Variants in BICDL1 observed in about 807,000 individuals in gnomAD.
The protein encoded by BICDL1 is BICD family-like cargo adapter 1.
BICDL1 carries 20 observed loss-of-function variants against 76.8 expected under a neutral mutation model. The observed-to-expected ratio is 0.26, with a 90% CI of 0.18 to 0.38. The LOEUF is 0.38. Ranked by LOEUF, BICDL1 falls within the 10% of genes least tolerant of loss-of-function variation. The pLI, the probability that BICDL1 is intolerant of heterozygous loss-of-function variation, is 1.00. For synonymous variants in BICDL1, 383 were observed against 337.1 expected, an observed-to-expected ratio of 1.14 and a Z score of -1.49; for missense variants, 700 against 798.6, an observed-to-expected ratio of 0.88 and a Z score of 1.49.
intron 7 of BICDL1, among the ~76,000 whole-genome samples, chr12:120,077,859 C>A (rs747853021): frequency 6.6e-6 from 1 of 151,802 alleles, no homozygotes; most frequent in Non-Finnish European, 1.5e-5. Context: ...GTGGGACGCC[C>A]CTTACAAGTT....
At position 120,071,724 on chromosome 12, in the gene BICDL1, G is replaced by A. The variant is rs1394693150; in HGVS notation, c.1012G>A (p.Ala338Thr). The A allele has an allele frequency of 6.2e-7, 1 of 1,612,270 alleles. No individual in the cohort carries two copies. Among genetic ancestry groups the A allele is most frequent in the Non-Finnish European group, 8.5e-7 (1 of 1,179,880 alleles). ...LTEERSLQSSAATSTSLLSEI... is the reference protein window; with the variant it reads ...LTEERSLQSSTATSTSLLSEI... ...TGAGGAGAGGAGTCTGCAGAGCTCT[G>A]CCGCCACCAGCACATCCCTCCTGTC... Residue 338 changes from alanine to threonine, a missense_variant, in exon 5 of 10, where the codon GCC becomes ACC. Physicochemically the swap from Ala to Thr is moderately conservative, Grantham distance 58 (BLOSUM62 0). Coordinates refer to ENST00000548673, the MANE Select transcript of BICDL1 (RefSeq NM_001367886.1). This position sits in a 1 kb window ranked among gnomAD's most constrained non-coding sequence, Gnocchi z 4.8.
intron 2 of BICDL1, among the ~76,000 whole-genome samples, chr12:120,053,804 G>C (rs1332578417): frequency 6.6e-6 from 1 of 152,180 alleles, no homozygotes; most frequent in Non-Finnish European, 1.5e-5. Flanking sequence ...TCCTCTCAGA[G>C]GACAGAGCTA....
intron 1 of BICDL1, among the ~76,000 whole-genome samples, chr12:119,991,011 A>T (rs1484905228): frequency 6.6e-6 from 1 of 152,220 alleles, no homozygotes; most frequent in African/African-American, 2.4e-5. Flanking sequence ...GTTATAAAAT[A>T]CCTGTTAAGG....
At chr12:120,038,703 C>A (rs921370111) in intron 2 of BICDL1, among the ~76,000 whole-genome samples, 8 of 152,036 alleles carry the variant, frequency 5.3e-5, no homozygotes, top group Non-Finnish European at 1.2e-4. Flanking sequence ...TTTGAGGAGT[C>A]CATAGTTTAA....
At chr12:119,995,106 GA>G (rs1328915374) in intron 1 of BICDL1, among the ~76,000 whole-genome samples, 1 of 152,070 alleles carries the variant, frequency 6.6e-6, no homozygotes, top group Non-Finnish European at 1.5e-5. Flanking sequence ...TGACAATTTT[GA>G]TATTAACTTT....
intron 2 of BICDL1, among the ~76,000 whole-genome samples, chr12:120,021,586 CA>C (rs145151630): frequency 0.021 from 971 of 46,306 alleles, 2 homozygotes; most frequent in African/African-American, 0.04. Flanking sequence ...GACTCCATCT[CA>C]AAAAAAAAAA....
chr12:120,057,818 C>CCTTTT (rs1953008680), intron 2 of BICDL1, among the ~76,000 whole-genome samples: 4 of 78,324 alleles, frequency 5.1e-5, no homozygotes, highest in African/African-American at 1.3e-4. Flanking sequence ...GCGATTCCTG[C>CCTTTT]TTTTTTTTTT....
chr12:119,991,436 C>A (rs74694312), intron 1 of BICDL1, among the ~76,000 whole-genome samples: 3,678 of 152,198 alleles, frequency 0.024, 160 homozygotes, highest in African/African-American at 0.084. Context: ...AAAAAGGAAA[C>A]CTGTGAGTGC....
intron 2 of BICDL1, among the ~76,000 whole-genome samples, chr12:120,007,807 A>T (rs139676264): frequency 6.6e-6 from 1 of 152,232 alleles, no homozygotes; most frequent in African/African-American, 2.4e-5. Context: ...TACAGTGTCC[A>T]TAAGTGTCAC....
intron 2 of BICDL1, among the ~76,000 whole-genome samples, chr12:120,029,770 T>G: frequency 6.6e-6 from 1 of 152,042 alleles, no homozygotes; most frequent in African/African-American, 2.4e-5. Flanking sequence ...TTATCCTGCC[T>G]CAGCCTCCCA....
At chr12:120,076,989 A>G (rs1873600512) in intron 7 of BICDL1, among the ~76,000 whole-genome samples, 1 of 152,262 alleles carries the variant, frequency 6.6e-6, no homozygotes, top group African/African-American at 2.4e-5. Flanking sequence ...CCAAGAGGAC[A>G]GTCAGAGCCA....
intron 2 of BICDL1, among the ~76,000 whole-genome samples, chr12:120,033,093 TG>T (rs1329804728): frequency 5.3e-5 from 8 of 152,236 alleles, no homozygotes; most frequent in African/African-American, 1.9e-4. Flanking sequence ...TGTATTACTT[TG>T]TAACCTGCTT....
intron 2 of BICDL1, among the ~76,000 whole-genome samples, chr12:120,024,823 TTTGTTGTTG>T (rs142436978): frequency 1.3e-5 from 2 of 150,720 alleles, no homozygotes; most frequent in African/African-American, 2.4e-5. Flanking sequence ...CACCTGGCAT[TTTGTTGTTG>T]TTGTTGTTGT....
chr12:120,047,593 A>G (rs924014112), intron 2 of BICDL1, among the ~76,000 whole-genome samples: 2 of 152,174 alleles, frequency 1.3e-5, no homozygotes, highest in Admixed American at 6.5e-5. Context: ...AATTATAGCT[A>G]TAGTGTATTA....
At chr12:119,995,367 T>C (rs1951620467) in intron 1 of BICDL1, among the ~76,000 whole-genome samples, 1 of 152,212 alleles carries the variant, frequency 6.6e-6, no homozygotes, top group South Asian at 2.1e-4. Context: ...TTGTCTCATG[T>C]CCAAAGAAAT....
intron 2 of BICDL1, among the ~76,000 whole-genome samples, chr12:120,058,406 G>A (rs747106850): frequency 4.6e-4 from 70 of 152,176 alleles, no homozygotes; most frequent in Admixed American, 5.9e-4. Context: ...CTGCGGCTTC[G>A]TTGTTGAGTG....
Position 120,059,411 on chromosome 12 carries a change from G to A in BICDL1, c.646-2299G>A, listed in dbSNP as rs181595558. 2.1e-3 allele frequency among the ~76,000 whole-genome samples: 315 copies of A among 152,282 alleles called. 1 individual carries two copies. Among genetic ancestry groups the A allele is most frequent in the Middle Eastern group, 0.01 (3 of 294 alleles). On this transcript the variant is annotated intron_variant, in intron 2 of 9. Transcript: ENST00000548673. ...CTGCCTCAGCCTCCCGAGTAGCTGG[G>A]ATTACAGGTGCATGCCACCATGCCC...
intron 2 of BICDL1, among the ~76,000 whole-genome samples, chr12:120,012,933 T>TGGA (rs1951982509): frequency 6.6e-6 from 1 of 152,190 alleles, no homozygotes; most frequent in Non-Finnish European, 1.5e-5. Flanking sequence ...GGGCTATACA[T>TGGA]GGAATATCAT....
At chr12:120,015,398 G>A (rs981499882) in intron 2 of BICDL1, among the ~76,000 whole-genome samples, 2 of 152,112 alleles carry the variant, frequency 1.3e-5, no homozygotes, top group Admixed American at 6.6e-5. Context: ...TTGTACCACC[G>A]TTGGAATTTC....
Sources: gnomAD v4.1 joint callset for allele counts (sites outside exome capture counted in the v4.1 genomes callset) on GRCh38, gnomAD v4.1.1 for gene constraint, Gnocchi (gnomAD v3.1) non-coding constraint, MANE v1.5 for transcripts, NCBI Gene and HGNC (gene_info 2026-07-23, HGNC 2026-07-21) for gene names.